MCCC1: variants seen among roughly 807,000 people sequenced by gnomAD.
MCCC1 encodes the protein methylcrotonyl-CoA carboxylase subunit 1.
Under a neutral mutation model 83.8 loss-of-function variants are expected in MCCC1, and 64 were observed. The observed-to-expected ratio is 0.76, with a 90% CI of 0.62 to 0.94. The LOEUF (loss-of-function observed/expected upper bound fraction) is 0.94, where lower values mean the gene tolerates loss of function less well. Ranked by LOEUF, MCCC1 falls within the 40% of genes least tolerant of loss-of-function variation. The pLI, the probability that MCCC1 is intolerant of heterozygous loss-of-function variation, is 0.00. For synonymous variants in MCCC1, 322 were observed against 315.4 expected, an observed-to-expected ratio of 1.02 and a Z score of -0.22; for missense variants, 807 against 904.7, an observed-to-expected ratio of 0.89 and a Z score of 1.39.
At chr3:183,063,457 A>G (rs1268816222) in intron 7 of MCCC1, among the ~76,000 whole-genome samples, 8 of 152,156 alleles carry the variant, frequency 5.3e-5, no homozygotes, top group Non-Finnish European at 1.2e-4. Context: ...GACTCTTCTC[A>G]GTTATCAGCA....
Position 183,025,773 on chromosome 3 carries a change from A to T in MCCC1, c.1713T>A (p.Asp571Glu). The T allele has an allele frequency of 6.2e-7, 1 of 1,614,052 alleles. No individual in the cohort carries two copies. The highest frequency in any genetic ancestry group is 8.5e-7 in the Non-Finnish European group (1 of 1,179,906). Residue 571 changes from aspartate to glutamate, a missense_variant, in exon 15 of 19, where the codon GAT becomes GAA. Coordinates refer to ENST00000265594, the MANE Select transcript of MCCC1 (RefSeq NM_020166.5). Reference sequence around the variant, plus strand: ...GGCTTACCTGCATGCTATAAGACCCATCATGGTTATACGTTACAGCTATGG... The same window carrying T: ...GGCTTACCTGCATGCTATAAGACCCTTCATGGTTATACGTTACAGCTATGG... ...NVAIAVTYNH[D>E]GSYSMQIEDK... is the part of the protein sequence containing the mutation.
chr3:183,028,267 G>A (rs1184904133), intron 14 of MCCC1, among the ~76,000 whole-genome samples: 1 of 152,142 alleles, frequency 6.6e-6, no homozygotes, highest in East Asian at 1.9e-4. Flanking sequence ...CCACTGTTGA[G>A]ACCTACTCAA....
chr3:183,045,747 T>C (rs1714509578), intron 9 of MCCC1, among the ~76,000 whole-genome samples: 2 of 152,166 alleles, frequency 1.3e-5, no homozygotes, highest in African/African-American at 2.4e-5. Context: ...AACGGAAAAG[T>C]ATATTTGGGG....
chr3:183,047,015 C>G (rs757979443), intron 9 of MCCC1, among the ~76,000 whole-genome samples: 1 of 152,174 alleles, frequency 6.6e-6, no homozygotes, highest in Non-Finnish European at 1.5e-5. Context: ...GTGAGTTTTA[C>G]CTCCAGGAGC....
Position 183,015,575 on chromosome 3 carries a change from A to G in MCCC1, c.2050-9T>C, listed in dbSNP as rs755174050. ...GGAGACTTTATGGTATGCTGCAGAG[A>G]CACATGACAGGACAAATGATAGCTG... is the stretch of plus-strand genomic sequence containing the variant. On this transcript the variant is annotated splice_polypyrimidine_tract_variant and intron_variant, in intron 18 of 18. Coordinates refer to ENST00000265594, the MANE Select transcript of MCCC1 (RefSeq NM_020166.5). 6.2e-7 allele frequency: 1 copy of G among 1,614,104 alleles called. No homozygotes were observed. The highest frequency in any genetic ancestry group is 1.1e-5 in the South Asian group (1 of 91,088).
At chr3:183,084,449 A>G (rs1717743394) in intron 4 of MCCC1, among the ~76,000 whole-genome samples, 1 of 152,188 alleles carries the variant, frequency 6.6e-6, no homozygotes, top group Non-Finnish European at 1.5e-5. Flanking sequence ...ATCTCCACGT[A>G]CTATTATCAT....
chr3:183,044,906 TTTG>T (rs59572956), intron 10 of MCCC1, among the ~76,000 whole-genome samples: 3 of 150,632 alleles, frequency 2.0e-5, no homozygotes, highest in Non-Finnish European at 3.0e-5. Context: ...TCAAGACTGT[TTTG>T]TTGTTGTTGT....
chr3:183,067,608 C>T (rs564714070), intron 7 of MCCC1, among the ~76,000 whole-genome samples: 5 of 152,302 alleles, frequency 3.3e-5, no homozygotes, highest in African/African-American at 1.2e-4. Flanking sequence ...TAGACTAACC[C>T]TGCTTATTCC....
At chr3:183,077,071 A>T (rs1299149996) in intron 4 of MCCC1, among the ~76,000 whole-genome samples, 8 of 152,172 alleles carry the variant, frequency 5.3e-5, no homozygotes, top group African/African-American at 1.9e-4. Flanking sequence ...TCAGTACTTC[A>T]TTCCTTTTTG....
chr3:183,087,290 C>T (rs1013407322), intron 3 of MCCC1, among the ~76,000 whole-genome samples: 2 of 152,154 alleles, frequency 1.3e-5, no homozygotes, highest in Non-Finnish European at 2.9e-5. Context: ...ATCATAGCAT[C>T]CCTTGAAGTA....
chr3:183,039,509 T>C (rs1371631649), intron 11 of MCCC1, among the ~76,000 whole-genome samples: 1 of 152,156 alleles, frequency 6.6e-6, no homozygotes, highest in African/African-American at 2.4e-5. Context: ...CTCCACTCTT[T>C]CAGTTTCCGT....
intron 1 of MCCC1, among the ~76,000 whole-genome samples, chr3:183,111,173 G>A (rs1250631450): frequency 6.6e-6 from 1 of 152,204 alleles, no homozygotes; most frequent in Non-Finnish European, 1.5e-5. Context: ...AGCATGGTAA[G>A]TCGAGTACAA....
In MCCC1 at chr3:183,099,458, A is replaced by G; in HGVS notation, c.-18T>C. The G allele has an allele frequency of 1.3e-6, 2 of 1,594,140 alleles. No individual in the cohort carries two copies. The highest frequency in any genetic ancestry group is 1.7e-6 in the Non-Finnish European group (2 of 1,171,404). On this transcript the variant is annotated 5_prime_UTR_variant, in exon 1 of 19. Transcript: ENST00000265594. ...GCCGCCATGTCCCTGGAGCCCGGCC[A>G]CTCCGTGACTCCCCAGTACAGAGGC...
intron 17 of MCCC1, chr3:183,017,574 C>T (rs753601135): frequency 2.3e-4 from 121 of 525,890 alleles, no homozygotes; most frequent in African/African-American, 5.0e-4. Context: ...TGTGGTTGTG[C>T]CATCTGCCAA....
intron 13 of MCCC1, among the ~76,000 whole-genome samples, chr3:183,035,011 T>G (rs538764384): frequency 6.6e-6 from 1 of 152,018 alleles, no homozygotes; most frequent in Non-Finnish European, 1.5e-5. Flanking sequence ...CTCCTGACCT[T>G]AAGTGATCCA....
At chr3:183,105,778 C>G (rs562712396) in intron 1 of MCCC1, among the ~76,000 whole-genome samples, 8 of 152,032 alleles carry the variant, frequency 5.3e-5, no homozygotes, top group African/African-American at 1.9e-4. Context: ...TTCCTGATAA[C>G]AAAAAGTGTC....
chr3:183,017,533 A>T, intron 17 of MCCC1, 196 bp from the exon 18 acceptor site: 1 of 587,288 alleles, frequency 1.7e-6, no homozygotes, highest in Admixed American at 2.9e-5. Flanking sequence ...CAGATTTGGT[A>T]TATAAACTTA....
At chr3:183,056,863 T>G (rs1223439474) in intron 8 of MCCC1, among the ~76,000 whole-genome samples, 1 of 152,070 alleles carries the variant, frequency 6.6e-6, no homozygotes, top group Non-Finnish European at 1.5e-5. Flanking sequence ...CCCGGCTAAT[T>G]TTGTATTTTT....
intron 7 of MCCC1, among the ~76,000 whole-genome samples, chr3:183,067,469 T>A (rs963216845): frequency 2.6e-5 from 4 of 152,324 alleles, no homozygotes; most frequent in African/African-American, 9.6e-5. Context: ...ATAAAGCAAA[T>A]CAGTCTTACC....
Sources: gnomAD v4.1 joint callset for allele counts (sites outside exome capture counted in the v4.1 genomes callset) on GRCh38, gnomAD v4.1.1 for gene constraint, MANE v1.5 for transcripts, NCBI Gene and HGNC (gene_info 2026-07-23, HGNC 2026-07-21) for gene names.